MCOLN1: variants seen among roughly 807,000 people sequenced by gnomAD.
The protein encoded by MCOLN1 is mucolipin-1.
In MCOLN1, 50 loss-of-function variants were observed where a neutral mutation model predicts 70.3. The ratio of observed to expected loss-of-function variants is 0.71; its 90% CI spans 0.57 to 0.90. The LOEUF (loss-of-function observed/expected upper bound fraction) is 0.90. MCOLN1 is among the 40% of genes least tolerant of loss of function. The probability of loss-of-function intolerance (pLI) is 0.00; values close to 1 mark genes in which losing one functional copy is unlikely to be tolerated. For missense variants in MCOLN1, 598 were observed against 803.5 expected, an observed-to-expected ratio of 0.74 and a Z score of 3.09; for synonymous variants, 366 against 341.0, an observed-to-expected ratio of 1.07 and a Z score of -0.81.
Position 7,528,263 on chromosome 19 carries a change from C to T in MCOLN1, c.877+6C>T, listed in dbSNP as rs762687602. The T allele has an allele frequency of 5.4e-5, 87 of 1,612,798 alleles. No individual in the cohort carries two copies. The highest frequency in any genetic ancestry group is 6.4e-5 in the Non-Finnish European group (75 of 1,178,922). ...CCCCAGTGTCTTCCAGCACGGTGAG[C>T]CCCTGAGCCCCAGACCAGCACTGAC... On this transcript the variant is annotated splice_donor_region_variant and intron_variant, in intron 7 of 13. Coordinates refer to ENST00000264079, the MANE Select transcript of MCOLN1 (RefSeq NM_020533.3). The surrounding 1 kb of genome is among the most constrained non-coding windows in gnomAD (Gnocchi z 4.2).
chr19:7,533,531 C>T lies in MCOLN1; in HGVS notation c.1584C>T (p.Gly528=), dbSNP rs145386883. The T allele has an allele frequency of 1.0e-3, 1,609 of 1,610,974 alleles. 1 individual carries two copies. Among genetic ancestry groups the T allele is most frequent in the Non-Finnish European group, 1.3e-3 (1,509 of 1,179,692 alleles). ...CCGGCTTCTCTCCCCAGCATCCCGG[C>T]GGCGCAGGCGCAGAGGAGAGCGAGC... The part of the protein sequence containing the change: ...TGAYDTIKHP[G]GAGAEESELQ... Residue 528 remains glycine, a synonymous_variant, in exon 13 of 14, where the codon GGC becomes GGT. Coordinates refer to ENST00000264079, the MANE Select transcript of MCOLN1 (RefSeq NM_020533.3).
intron 10 of MCOLN1, 67 bp from the exon 11 acceptor site, chr19:7,529,523 C>CAGG: frequency 1.7e-6 from 2 of 1,156,284 alleles, no homozygotes; most frequent in Non-Finnish European, 2.5e-6. Flanking sequence ...CCACCCCCAT[C>CAGG]TGGGTGCCCA....
Position 7,524,549 on chromosome 19 carries a change from C to T in MCOLN1, c.32-412C>T. Among the ~76,000 whole-genome samples, 1 of 152,186 alleles carries T rather than the reference C, an allele frequency of 6.6e-6. No homozygotes were observed. Among genetic ancestry groups the T allele is most frequent in the Non-Finnish European group, 1.5e-5 (1 of 68,040 alleles). ...AAAGCCAGTGGGAGCAGTTCATTCT[C>T]TCCCCACTGATCAATAACGGGAACA... On this transcript the variant is annotated intron_variant, in intron 1 of 13. Transcript: ENST00000264079. This position sits in a 1 kb window ranked among gnomAD's most constrained non-coding sequence, Gnocchi z 4.1.
chr19:7,532,177 C>G (rs771679631), intron 12 of MCOLN1, among the ~76,000 whole-genome samples: 1 of 152,174 alleles, frequency 6.6e-6, no homozygotes, highest in Non-Finnish European at 1.5e-5. Context: ...AAGATCTGTG[C>G]TGGGTTCTGG....
At chr19:7,533,265 C>T (rs2022690312) in intron 12 of MCOLN1, 1 of 585,782 alleles carries the variant, frequency 1.7e-6, no homozygotes, top group Non-Finnish European at 3.0e-6. Flanking sequence ...AGCCCTGGCT[C>T]TAGGTCTGTA....
chr19:7,528,763 G>A lies in MCOLN1; in HGVS notation c.985-58G>A, dbSNP rs1041571744. ...CCCGCCTGGCCCTGGGGCGATAAAA[G>A]CCAGGGCTTTGAGGGTCCTGTGCCT... On this transcript the variant is annotated intron_variant, in intron 8 of 13. Coordinates refer to ENST00000264079, the MANE Select transcript of MCOLN1 (RefSeq NM_020533.3). The surrounding 1 kb of genome is among the most constrained non-coding windows in gnomAD (Gnocchi z 4.2). 10 of 1,614,034 alleles carry A rather than the reference G, an allele frequency of 6.2e-6. No homozygotes were observed. In the African/African-American group the frequency reaches 1.3e-4, roughly 22 times the overall value.
At position 7,529,578 on chromosome 19, in the gene MCOLN1, G is replaced by A. The variant is rs763017059; in HGVS notation, c.1237-12G>A. On this transcript the variant is annotated splice_polypyrimidine_tract_variant and intron_variant, in intron 10 of 13. Coordinates refer to ENST00000264079, the MANE Select transcript of MCOLN1 (RefSeq NM_020533.3). The stretch of plus-strand genomic sequence containing the variant: ...CCACACCCTCAACGAGGCTCCCTCT[G>A]CCCCAACCCAGATCCTCATCGCCAC... 2.0e-5 allele frequency: 31 copies of A among 1,570,702 alleles called. No homozygotes were observed. The Admixed American group carries it at 5.1e-4, about 26-fold the overall frequency.
chr19:7,533,658 G>C lies in MCOLN1; in HGVS notation c.1706+5G>C. 1 of 1,613,826 alleles carries C rather than the reference G, an allele frequency of 6.2e-7. No homozygotes were observed. Among genetic ancestry groups the C allele is most frequent in the East Asian group, 2.2e-5 (1 of 44,880 alleles). On this transcript the variant is annotated splice_donor_5th_base_variant and intron_variant, in intron 13 of 13. Transcript: ENST00000264079. ...CCTTCTCTGCTGCTGCGGAAGGTTC[G>C]AGTCCCGGGTCTGGCACATTCAGAT...
intron 1 of MCOLN1, among the ~76,000 whole-genome samples, chr19:7,523,790 G>A (rs911957609): frequency 6.6e-6 from 1 of 152,112 alleles, no homozygotes; most frequent in Non-Finnish European, 1.5e-5. Flanking sequence ...TTTATCTGCT[G>A]TGTCTCACTG....
chr19:7,528,325 C>A lies in MCOLN1; in HGVS notation c.877+68C>A. 6.8e-7 allele frequency: 1 copy of A among 1,465,790 alleles called. No homozygotes were observed. The highest frequency in any genetic ancestry group is 9.5e-7 in the Non-Finnish European group (1 of 1,048,402). The allele number at this position is 1,465,790 out of a possible 1,614,324, so 90.8% of individuals were successfully genotyped here. On this transcript the variant is annotated intron_variant, in intron 7 of 13. Transcript: ENST00000264079. The surrounding 1 kb of genome is among the most constrained non-coding windows in gnomAD (Gnocchi z 4.2). The stretch of plus-strand genomic sequence containing the variant: ...GCCTGTCCTGGGATTCCCCAAGCCC[C>A]AGATCAGCGCTGCCTGGGGGCCGTG...
chr19:7,529,505 C>CCCCCCCCCCCCCCCCCCCCCT, intron 10 of MCOLN1, 85 bp from the exon 11 acceptor site: 1 of 755,742 alleles, frequency 1.3e-6, no homozygotes, highest in Non-Finnish European at 2.3e-6. Context: ...GGCAAGGCCC[C>CCCCCCCCCCCCCCCCCCCCCT]GCCCCTCCCA....
chr19:7,526,687 G>A lies in MCOLN1; in HGVS notation c.406-74G>A, dbSNP rs2022574302. 1.9e-6 allele frequency: 3 copies of A among 1,601,418 alleles called. No homozygotes were observed. In the East Asian group the frequency reaches 6.7e-5, roughly 36 times the overall value. ...TGCAGTTGGGCGGGCAGGTGCTGGT[G>A]GGCGGGCAGGTGCAGGTGGGTGGGC... is the stretch of plus-strand genomic sequence containing the variant. On this transcript the variant is annotated intron_variant, in intron 3 of 13. Transcript: ENST00000264079. This position sits in a 1 kb window ranked among gnomAD's most constrained non-coding sequence, Gnocchi z 4.6.
At position 7,528,072 on chromosome 19, in the gene MCOLN1, G is replaced by GC; in HGVS notation, c.778-83dup. The GC allele has an allele frequency of 6.5e-7, 1 of 1,538,552 alleles. No individual in the cohort carries two copies. Among genetic ancestry groups the GC allele is most frequent in the South Asian group, 1.1e-5 (1 of 89,496 alleles). The stretch of plus-strand genomic sequence containing the variant: ...AAGCGTGCGGGTGATGAGGGAGGGA[G>GC]CCCGGGGTCTGTCAGGCCACCTGTC... On this transcript the variant is annotated intron_variant, in intron 6 of 13. Transcript: ENST00000264079. The surrounding 1 kb of genome is among the most constrained non-coding windows in gnomAD (Gnocchi z 4.2).
At position 7,525,740 on chromosome 19, in the gene MCOLN1, T is replaced by C. The variant is rs934692809; in HGVS notation, c.237+574T>C. 1 of 170,834 alleles carries C rather than the reference T, an allele frequency of 5.9e-6. No homozygotes were observed. Among genetic ancestry groups the C allele is most frequent in the Non-Finnish European group, 1.3e-5 (1 of 78,744 alleles). 10.6% of individuals were successfully genotyped at this position (170,834 alleles called of 1,614,324 possible). On this transcript the variant is annotated intron_variant, in intron 2 of 13. Transcript: ENST00000264079. The surrounding 1 kb of genome is among the most constrained non-coding windows in gnomAD (Gnocchi z 4.2). Reference sequence around the variant, plus strand: ...CATGTTTTGGGCTGACTTTAGCATGTCACCATGCCTCTAATTTTCCCTCTG... The same window carrying C: ...CATGTTTTGGGCTGACTTTAGCATGCCACCATGCCTCTAATTTTCCCTCTG...
intron 5 of MCOLN1, 59 bp from the exon 6 acceptor site, chr19:7,527,805 A>T (rs2146023833): frequency 7.2e-7 from 1 of 1,395,346 alleles, no homozygotes; most frequent in South Asian, 1.2e-5. Flanking sequence ...GGACGCTGGC[A>T]CTTGGGGCCG....
Position 7,527,901 on chromosome 19 carries a change from A to C in MCOLN1, c.718A>C (p.Ile240Leu). The C allele has an allele frequency of 6.2e-7, 1 of 1,614,150 alleles. No individual in the cohort carries two copies. Among genetic ancestry groups the C allele is most frequent in the Non-Finnish European group, 8.5e-7 (1 of 1,179,994 alleles). Residue 240 changes from isoleucine (I) to leucine (L), a missense_variant, in exon 6 of 14, where the codon ATT becomes CTT. Transcript: ENST00000264079. Reference sequence around the variant, plus strand: ...CACCATCCACTTCCGGCTGAAGACCATTAACCTCCAGAGCCTCATCAATAA... The same window carrying C: ...CACCATCCACTTCCGGCTGAAGACCCTTAACCTCCAGAGCCTCATCAATAA... Reference protein sequence around the residue: ...NVTIHFRLKTINLQSLINNEI... With the variant: ...NVTIHFRLKTLNLQSLINNEI...
At chr19:7,527,383 C>T in intron 4 of MCOLN1, 137 bp from the exon 5 acceptor site, 1 of 702,394 alleles carries the variant, frequency 1.4e-6, no homozygotes, top group South Asian at 1.6e-5. Flanking sequence ...AAAACATCCG[C>T]AGGCCCAGAG....
Position 7,526,868 on chromosome 19 carries a change from C to T in MCOLN1, c.513C>T (p.His171=). Residue 171 remains histidine (H), a synonymous_variant, in exon 4 of 14, where the codon CAC becomes CAT. Transcript: ENST00000264079. This position sits in a 1 kb window ranked among gnomAD's most constrained non-coding sequence, Gnocchi z 4.6. ...SGLALCQRYY[H]RGHVDPANDT... is the part of the protein sequence containing the mutation. The stretch of plus-strand genomic sequence containing the variant: ...TTGCTCTCTGCCAGCGGTACTACCA[C>T]CGAGGCCACGTGGACCCGGCCAACG... The T allele has an allele frequency of 6.2e-7, 1 of 1,614,178 alleles. No individual in the cohort carries two copies. Among genetic ancestry groups the T allele is most frequent in the Non-Finnish European group, 8.5e-7 (1 of 1,180,032 alleles).
At position 7,528,348 on chromosome 19, in the gene MCOLN1, G is replaced by A. The variant is rs1258586525; in HGVS notation, c.877+91G>A. ...CCCAGATCAGCGCTGCCTGGGGGCC[G>A]TGACCTCCCCAGGAATCCGCTGAGC... On this transcript the variant is annotated intron_variant, in intron 7 of 13. Coordinates refer to ENST00000264079, the MANE Select transcript of MCOLN1 (RefSeq NM_020533.3). The surrounding 1 kb of genome is among the most constrained non-coding windows in gnomAD (Gnocchi z 4.2). 3.5e-5 allele frequency: 44 copies of A among 1,265,894 alleles called. No individual in the cohort carries two copies. The highest frequency in any genetic ancestry group is 2.8e-4 in the South Asian group (23 of 81,930). The allele number at this position is 1,265,894 out of a possible 1,614,324, so 78.4% of individuals were successfully genotyped here.
Sources: gnomAD v4.1 joint callset for allele counts (sites outside exome capture counted in the v4.1 genomes callset) on GRCh38, gnomAD v4.1.1 for gene constraint, Gnocchi (gnomAD v3.1) non-coding constraint, MANE v1.5 for transcripts, NCBI Gene and HGNC (gene_info 2026-07-23, HGNC 2026-07-21) for gene names.